Variants in NYAP2 observed in about 807,000 individuals in gnomAD.
NYAP2 encodes the protein neuronal tyrosine-phosphorylated phosphoinositide-3-kinase adaptor 2, also known as neuronal tyrosine-phosphorylated phosphoinositide-3-kinase adapter 2.
NYAP2 carries 23 observed loss-of-function variants against 50.4 expected under a neutral mutation model. The ratio of observed to expected loss-of-function variants is 0.46; its 90% confidence interval spans 0.33 to 0.65. The LOEUF (loss-of-function observed/expected upper bound fraction) is 0.65, where lower values mean the gene tolerates loss of function less well. NYAP2 is among the 30% of genes least tolerant of loss of function. The probability of loss-of-function intolerance (pLI) is 0.02; values close to 1 mark genes in which losing one functional copy is unlikely to be tolerated. For missense variants in NYAP2, 885 were observed against 861.0 expected (o/e 1.03, Z -0.35); for synonymous variants, 394 against 365.2 (o/e 1.08, Z -0.90).
intron 3 of NYAP2, among the ~76,000 whole-genome samples, chr2:225,460,242 A>T (rs559401467): frequency 1.3e-5 from 2 of 152,356 alleles, no homozygotes; most frequent in South Asian, 4.1e-4. Context: ...ATAATTAATA[A>T]GGTAGCAATT....
chr2:225,578,404 C>T (rs1692206386), intron 4 of NYAP2, among the ~76,000 whole-genome samples: 1 of 152,168 alleles, frequency 6.6e-6, no homozygotes, highest in South Asian at 2.1e-4. Flanking sequence ...AGGCTAGAGA[C>T]TAACTTCAGC....
intron 5 of NYAP2, among the ~76,000 whole-genome samples, chr2:225,588,081 C>T: frequency 6.6e-6 from 1 of 152,046 alleles, no homozygotes; most frequent in East Asian, 1.9e-4. Context: ...TGCACCACCA[C>T]ACCTGGCTAA....
chr2:225,466,631 A>T (rs941603751), intron 3 of NYAP2, among the ~76,000 whole-genome samples: 10 of 152,304 alleles, frequency 6.6e-5, no homozygotes, highest in African/African-American at 2.4e-4. Flanking sequence ...AACATGCAAA[A>T]GGAGAGAACC....
chr2:225,439,321 A>G (rs969693563), intron 3 of NYAP2, among the ~76,000 whole-genome samples: 1 of 152,246 alleles, frequency 6.6e-6, no homozygotes, highest in African/African-American at 2.4e-5. Context: ...GGGAAAAAGT[A>G]GAAAGCCTAA....
chr2:225,518,527 T>TGTGG (rs1690976705), intron 4 of NYAP2, among the ~76,000 whole-genome samples: 1 of 15,974 alleles, frequency 6.3e-5, no homozygotes, highest in African/African-American at 5.4e-4. Context: ...AGCTAATATA[T>TGTGG]ATATATATAT....
intron 5 of NYAP2, among the ~76,000 whole-genome samples, chr2:225,622,574 TCTTTC>T (rs1693137047): frequency 5.1e-5 from 6 of 116,990 alleles, no homozygotes; most frequent in Non-Finnish European, 1.2e-4. Context: ...TTTCTTTCTT[TCTTTC>T]TTCTTTCTTT....
chr2:225,583,480 A>G (rs1692337025), intron 5 of NYAP2, among the ~76,000 whole-genome samples: 1 of 152,070 alleles, frequency 6.6e-6, no homozygotes, highest in Admixed American at 6.5e-5. Context: ...TCTTGAATGT[A>G]AGCTGAAAGA....
At chr2:225,689,652 T>G in the NYAP2 span, among the ~76,000 whole-genome samples, 2 of 152,104 alleles carry the variant, frequency 1.3e-5, no homozygotes, top group Non-Finnish European at 2.9e-5. Context: ...AGGTGTAGAC[T>G]TGCCTAATAA....
At chr2:225,609,824 G>A (rs774303974) in intron 5 of NYAP2, among the ~76,000 whole-genome samples, 1 of 152,152 alleles carries the variant, frequency 6.6e-6, no homozygotes, top group Non-Finnish European at 1.5e-5. Context: ...CCTTAAAGGT[G>A]CTTGAATGTG....
At chr2:225,529,626 C>T (rs576697301) in intron 4 of NYAP2, among the ~76,000 whole-genome samples, 5 of 152,270 alleles carry the variant, frequency 3.3e-5, no homozygotes, top group African/African-American at 1.2e-4. Context: ...TGCCTGGCCC[C>T]TGCCTATATT....
chr2:225,399,154 T>G (rs1694816899), upstream of NYAP2, among the ~76,000 whole-genome samples: 1 of 152,052 alleles, frequency 6.6e-6, no homozygotes, highest in South Asian at 2.1e-4. Context: ...GAAAAATCTA[T>G]AGGTCACTAT....
chr2:225,524,833 A>T (rs563831004), intron 4 of NYAP2, among the ~76,000 whole-genome samples: 2 of 152,188 alleles, frequency 1.3e-5, no homozygotes, highest in Admixed American at 6.5e-5. Context: ...TTTGCAAGCT[A>T]TGCATCTGAA....
At chr2:225,633,360 A>T (rs974867374) in intron 6 of NYAP2, among the ~76,000 whole-genome samples, 2 of 152,202 alleles carry the variant, frequency 1.3e-5, no homozygotes, top group African/African-American at 4.8e-5. Flanking sequence ...TGCGTGTTCA[A>T]CTTTCTGTGC....
At chr2:225,681,991 T>C in the NYAP2 span, among the ~76,000 whole-genome samples, 36 of 152,298 alleles carry the variant, frequency 2.4e-4, no homozygotes, top group South Asian at 4.1e-4. Context: ...GTTTGTATTG[T>C]TTTTAGCATT....
chr2:225,582,054 A>G lies in NYAP2; in HGVS notation c.637A>G (p.Lys213Glu), dbSNP rs61741087. The change falls in exon 5 of 7, where the codon AAA (lysine) becomes GAA (glutamate). Residue 213 changes from lysine (K) to glutamate (E), a missense_variant. Physicochemically the swap from Lys to Glu is moderately conservative, Grantham distance 56. Transcript: ENST00000636099. This position sits in a 1 kb window ranked among gnomAD's most constrained non-coding sequence, Gnocchi z 7.0. ...CACATCTTTCGATGAAACGTACATC[A>G]AAAAGCATGGGCCCCGGAGGACGTC... is the stretch of plus-strand genomic sequence containing the variant. 2,351 of 1,613,994 alleles carry G rather than the reference A, an allele frequency of 1.5e-3. 31 individuals are homozygous for G. In the African/African-American group the frequency reaches 0.027, roughly 19 times the overall value.
chr2:225,610,512 T>A (rs751620130), intron 5 of NYAP2, among the ~76,000 whole-genome samples: 8 of 152,148 alleles, frequency 5.3e-5, no homozygotes, highest in Non-Finnish European at 1.2e-4. Context: ...CAAAATTCTG[T>A]CTTCATAACA....
At chr2:225,494,811 T>C (rs984371090) in intron 3 of NYAP2, among the ~76,000 whole-genome samples, 1 of 152,222 alleles carries the variant, frequency 6.6e-6, no homozygotes, top group African/African-American at 2.4e-5. Context: ...TGCTCACAGC[T>C]TGTATACACA....
At chr2:225,668,015 A>G in the NYAP2 span, among the ~76,000 whole-genome samples, 1 of 152,172 alleles carries the variant, frequency 6.6e-6, no homozygotes, top group Non-Finnish European at 1.5e-5. Flanking sequence ...ATCTAATATA[A>G]AGGGAATCCT....
intron 4 of NYAP2, among the ~76,000 whole-genome samples, chr2:225,579,094 G>A (rs79040054): frequency 9.5e-5 from 14 of 147,332 alleles, no homozygotes; most frequent in African/African-American, 1.5e-4. Flanking sequence ...AGAAGAGAGG[G>A]GAGAGAGAGA....
Sources: gnomAD v4.1 joint callset for allele counts (sites outside exome capture counted in the v4.1 genomes callset) on GRCh38, gnomAD v4.1.1 for gene constraint, Gnocchi (gnomAD v3.1) non-coding constraint, MANE v1.5 for transcripts, NCBI Gene and HGNC (gene_info 2026-07-23, HGNC 2026-07-21) for gene names.